The following RBFOX3 variants were observed in gnomAD, a reference collection of about 807,000 sequenced individuals.
The protein encoded by RBFOX3 is RNA binding fox-1 homolog 3.
In RBFOX3, 17 loss-of-function variants were observed where a neutral mutation model predicts 48.7. The ratio of observed to expected loss-of-function variants is 0.35; its 90% confidence interval spans 0.24 to 0.52. RBFOX3 has a LOEUF of 0.52. Ranked by LOEUF, RBFOX3 falls within the 20% of genes least tolerant of loss-of-function variation. The pLI, the probability that RBFOX3 is intolerant of heterozygous loss-of-function variation, is 0.94. For missense variants in RBFOX3, 382 were observed against 497.5 expected (o/e 0.77, Z 2.21); for synonymous variants, 212 against 209.5 (o/e 1.01, Z -0.10).
At chr17:79,397,052 T>A (rs2062078703) in intron 2 of RBFOX3, among the ~76,000 whole-genome samples, 1 of 152,134 alleles carries the variant, frequency 6.6e-6, no homozygotes, top group Non-Finnish European at 1.5e-5. Flanking sequence ...AAGGGGTGGA[T>A]TTGGGAATAA....
At chr17:79,192,727 ACAC>A (rs2054772105) in intron 4 of RBFOX3, among the ~76,000 whole-genome samples, 1 of 152,128 alleles carries the variant, frequency 6.6e-6, no homozygotes, top group Non-Finnish European at 1.5e-5. Context: ...GTGGCTGCCT[ACAC>A]CTCTGTCTCC....
intron 2 of RBFOX3, among the ~76,000 whole-genome samples, chr17:79,338,523 A>G (rs915909311): frequency 2.0e-5 from 3 of 152,128 alleles, no homozygotes; most frequent in Admixed American, 6.5e-5. Flanking sequence ...GATCCCCCAT[A>G]ATTCAACTCC....
chr17:79,176,458 G>T (rs1247441099), intron 4 of RBFOX3, among the ~76,000 whole-genome samples: 1 of 152,206 alleles, frequency 6.6e-6, no homozygotes, highest in Non-Finnish European at 1.5e-5. Context: ...CCAGGCCCAA[G>T]CCCCCCAGCC....
In RBFOX3 at chr17:79,418,246, GT is replaced by G. The variant is rs1598606493; in HGVS notation, c.-175+64207del. On this transcript the variant is annotated intron_variant, in intron 2 of 14. Transcript: ENST00000693108. The surrounding 1 kb of genome is among the most constrained non-coding windows in gnomAD (Gnocchi z 5.0). ...GCATATTTTACCACAACGACAAAAAGTTTTTTCCAATCGCAGGGATGTATGT... is the reference window on the plus strand; with the variant it reads ...GCATATTTTACCACAACGACAAAAAGTTTTTCCAATCGCAGGGATGTATGT... Among the ~76,000 whole-genome samples, 1 of 152,168 alleles carries G rather than the reference GT, an allele frequency of 6.6e-6. No individual in the cohort carries two copies. The highest frequency in any genetic ancestry group is 1.5e-5 in the Non-Finnish European group (1 of 68,028).
the RBFOX3 span, among the ~76,000 whole-genome samples, chr17:79,628,484 G>A: frequency 1.2e-3 from 178 of 152,294 alleles, no homozygotes; most frequent in African/African-American, 4.2e-3. Context: ...TGACGTGCCC[G>A]GGTTTAGACT....
chr17:79,562,175 C>A (rs2092263768), intron 1 of RBFOX3, among the ~76,000 whole-genome samples: 1 of 152,166 alleles, frequency 6.6e-6, no homozygotes, highest in African/African-American at 2.4e-5. Context: ...TCGTGGACTC[C>A]TTTTTTCTTT....
rs2075432172 is a variant in RBFOX3, at chr17:79,220,993, A to ATG, written c.-34+14772_-34+14773insCA. Among the ~76,000 whole-genome samples, 1 of 152,204 alleles carries ATG rather than the reference A, an allele frequency of 6.6e-6. No homozygotes were observed. Among genetic ancestry groups the ATG allele is most frequent in the African/African-American group, 2.4e-5 (1 of 41,454 alleles). ...CGTCTGTCCTGCCTCAGCGTTTTCCAGGACACCCCATCCATGAGGGACTCC... is the reference window on the plus strand; with the variant it reads ...CGTCTGTCCTGCCTCAGCGTTTTCCATGGGACACCCCATCCATGAGGGACTCC... On this transcript the variant is annotated intron_variant, in intron 4 of 14. Transcript: ENST00000693108. This position sits in a 1 kb window ranked among gnomAD's most constrained non-coding sequence, Gnocchi z 5.9.
chr17:79,337,362 G>A (rs114525108), intron 2 of RBFOX3, among the ~76,000 whole-genome samples: 2,027 of 152,232 alleles, frequency 0.013, 39 homozygotes, highest in African/African-American at 0.046. Context: ...CAAAGCCCAC[G>A]CACAGCACAG....
chr17:79,640,302 A>C, the RBFOX3 span, among the ~76,000 whole-genome samples: 3 of 152,236 alleles, frequency 2.0e-5, no homozygotes, highest in Non-Finnish European at 2.9e-5. Flanking sequence ...AGGAAATTAA[A>C]GAAAATAGAC....
At chr17:79,163,742 C>T (rs1048149608) in intron 4 of RBFOX3, among the ~76,000 whole-genome samples, 7 of 149,724 alleles carry the variant, frequency 4.7e-5, no homozygotes, top group Admixed American at 1.3e-4. Flanking sequence ...GCTTTGCCAA[C>T]AGGGTGCCCC....
At chr17:79,281,900 G>A (rs969990239) in intron 3 of RBFOX3, among the ~76,000 whole-genome samples, 9 of 152,142 alleles carry the variant, frequency 5.9e-5, no homozygotes, top group Non-Finnish European at 1.2e-4. Context: ...TCGGGGAAAC[G>A]AACAAGCCAT....
intron 2 of RBFOX3, among the ~76,000 whole-genome samples, chr17:79,437,411 G>A (rs989969055): frequency 3.3e-5 from 5 of 152,216 alleles, no homozygotes; most frequent in African/African-American, 4.8e-5. Context: ...AGGGAGGTGC[G>A]GGAAAGCCCA....
In RBFOX3 at chr17:79,299,907, C is replaced by CTT. The variant is rs879903980; in HGVS notation, c.-74+7815_-74+7816dup. Among the ~76,000 whole-genome samples the CTT allele has an allele frequency of 2.8e-5, 4 of 143,544 alleles. No homozygotes were observed. The highest frequency in any genetic ancestry group is 3.1e-5 in the Non-Finnish European group (2 of 65,002). 94.2% of individuals were successfully genotyped at this position (143,544 alleles called of 152,430 possible). On this transcript the variant is annotated intron_variant, in intron 3 of 14. Coordinates refer to ENST00000693108, the MANE Select transcript of RBFOX3 (RefSeq NM_001350451.2). This position sits in a 1 kb window ranked among gnomAD's most constrained non-coding sequence, Gnocchi z 4.5. ...GCCTCCAAAGGAATCTGCCGACACT[C>CTT]TTTTTTTTTTTTTTTGAGACAGTGT... is the stretch of plus-strand genomic sequence containing the variant.
chr17:79,468,183 G>A (rs1294432486), intron 2 of RBFOX3, among the ~76,000 whole-genome samples: 1 of 152,178 alleles, frequency 6.6e-6, no homozygotes, highest in Non-Finnish European at 1.5e-5. Context: ...GGAGGATGAA[G>A]TTTCCAAAAT....
At chr17:79,532,932 G>A (rs1036754394) in intron 1 of RBFOX3, among the ~76,000 whole-genome samples, 17 of 152,222 alleles carry the variant, frequency 1.1e-4, no homozygotes, top group African/African-American at 3.9e-4. Context: ...ACAGACGGAA[G>A]CTCTGGCAGC....
At chr17:79,256,718 G>A (rs565273318) in intron 3 of RBFOX3, among the ~76,000 whole-genome samples, 39 of 152,200 alleles carry the variant, frequency 2.6e-4, no homozygotes, top group African/African-American at 9.4e-4. Context: ...AGGAGTTTGA[G>A]ACCAGCCTGG....
rs11651975 is a variant in RBFOX3, at chr17:79,101,567, G to A, written c.568+17C>T. ...CCAGTGACCCCAGCAGCCTTGTGGG[G>A]GGACCCAGCCCCTTACCGTTGGTGT... On this transcript the variant is annotated intron_variant, in intron 9 of 14. Transcript: ENST00000693108. 0.31 allele frequency: 484,317 copies of A among 1,546,660 alleles called. 79,530 individuals carry two copies. Among genetic ancestry groups the A allele is most frequent in the Admixed American group, 0.34 (17,465 of 50,988 alleles).
At position 79,344,633 on chromosome 17, in the gene RBFOX3, C is replaced by T. The variant is rs188003008; in HGVS notation, c.-174-36809G>A. On this transcript the variant is annotated intron_variant, in intron 2 of 14. Coordinates refer to ENST00000693108, the MANE Select transcript of RBFOX3 (RefSeq NM_001350451.2). ...GCGGTGGCACAATCTTGGCTCACTG[C>T]AACTTCCACCTCCCAAGTTCAAGCG... 4.0e-4 allele frequency among the ~76,000 whole-genome samples: 61 copies of T among 152,256 alleles called. 1 individual carries two copies. The highest frequency in any genetic ancestry group is 3.4e-3 in the Middle Eastern group (1 of 294).
At chr17:79,230,481 G>A (rs2889617) in intron 4 of RBFOX3, among the ~76,000 whole-genome samples, 92,857 of 151,386 alleles carry the variant, frequency 0.61, 28,854 homozygotes, top group South Asian at 0.77. Flanking sequence ...GGCTGGTCTC[G>A]ATCTGCTGAC....
Sources: gnomAD v4.1 joint callset for allele counts (sites outside exome capture counted in the v4.1 genomes callset) on GRCh38, gnomAD v4.1.1 for gene constraint, Gnocchi (gnomAD v3.1) non-coding constraint, MANE v1.5 for transcripts, NCBI Gene and HGNC (gene_info 2026-07-23, HGNC 2026-07-21) for gene names.